The following EXD2 variants were observed in gnomAD, a reference collection of about 807,000 sequenced individuals.
EXD2 encodes exonuclease 3'-5' domain containing 2, also known as exonuclease 3'-5' domain-containing protein 2.
A neutral mutation model predicts 62.5 loss-of-function variants in EXD2; 40 were observed. The observed-to-expected ratio is 0.64, with a 90% CI of 0.50 to 0.83. The LOEUF is 0.83. Ranked by LOEUF, EXD2 falls within the 40% of genes least tolerant of loss-of-function variation. EXD2 has a pLI of 0.00. For missense variants in EXD2, 671 were observed against 761.8 expected (o/e 0.88, Z 1.40); for synonymous variants, 239 against 291.9 (o/e 0.82, Z 1.85).
At chr14:69,230,378 A>ATC in intron 4 of EXD2, 94 bp from the exon 5 acceptor site, 1 of 695,286 alleles carries the variant, frequency 1.4e-6, no homozygotes, top group Non-Finnish European at 2.4e-6. Flanking sequence ...TCAGTATGTT[A>ATC]TCTCTGTTTA....
chr14:69,229,475 A>C (rs2043490882), intron 4 of EXD2, among the ~76,000 whole-genome samples: 1 of 152,234 alleles, frequency 6.6e-6, no homozygotes, highest in Non-Finnish European at 1.5e-5. Context: ...CTGAGTCTAC[A>C]GTTCTAGATG....
chr14:69,197,166 A>C (rs916516766), intron 1 of EXD2, among the ~76,000 whole-genome samples: 4 of 152,304 alleles, frequency 2.6e-5, no homozygotes, highest in Non-Finnish European at 5.9e-5. Flanking sequence ...GGCTGTCGTG[A>C]GCTGTGATTG....
chr14:69,219,837 T>C (rs753146245), intron 3 of EXD2, among the ~76,000 whole-genome samples: 1 of 152,198 alleles, frequency 6.6e-6, no homozygotes, highest in Non-Finnish European at 1.5e-5. Flanking sequence ...CTTGCCTTGG[T>C]GTACCTGGCT....
chr14:69,195,809 T>A (rs572709174), intron 1 of EXD2, among the ~76,000 whole-genome samples: 1 of 152,346 alleles, frequency 6.6e-6, no homozygotes, highest in South Asian at 2.1e-4. Context: ...TAGGATAATG[T>A]ACTGAAGATT....
intron 1 of EXD2, among the ~76,000 whole-genome samples, chr14:69,197,853 C>A (rs2042259767): frequency 6.6e-6 from 1 of 151,942 alleles, no homozygotes; most frequent in South Asian, 2.1e-4. Flanking sequence ...ATAAAACAAT[C>A]TTTTCTTCTT....
intron 1 of EXD2, among the ~76,000 whole-genome samples, chr14:69,193,172 C>T (rs1011942336): frequency 6.6e-6 from 1 of 151,820 alleles, no homozygotes; most frequent in African/African-American, 2.4e-5. Context: ...GATTCTCCTG[C>T]CTCAGCCTCC....
At chr14:69,233,156 G>C (rs1007293115) in intron 5 of EXD2, among the ~76,000 whole-genome samples, 2 of 152,066 alleles carry the variant, frequency 1.3e-5, no homozygotes, top group Non-Finnish European at 2.9e-5. Flanking sequence ...TGTGTTAGAG[G>C]GAACTCTAAA....
chr14:69,197,682 T>C (rs1216574958), intron 1 of EXD2, among the ~76,000 whole-genome samples: 1 of 152,192 alleles, frequency 6.6e-6, no homozygotes, highest in Non-Finnish European at 1.5e-5. Flanking sequence ...ACACGCAGTA[T>C]TTGGTTTTCT....
At chr14:69,196,376 G>C (rs1450191906) in intron 1 of EXD2, among the ~76,000 whole-genome samples, 1 of 152,120 alleles carries the variant, frequency 6.6e-6, no homozygotes, top group Non-Finnish European at 1.5e-5. Flanking sequence ...CATAACATAC[G>C]GATATGCTAC....
At chr14:69,203,324 C>T (rs1213119364) in intron 1 of EXD2, among the ~76,000 whole-genome samples, 1 of 151,970 alleles carries the variant, frequency 6.6e-6, no homozygotes. Flanking sequence ...AGTCCGCCTA[C>T]CTCAGCCTCC....
chr14:69,206,714 T>C (rs2042618561), intron 2 of EXD2, among the ~76,000 whole-genome samples: 3 of 152,142 alleles, frequency 2.0e-5, no homozygotes, highest in South Asian at 4.1e-4. Flanking sequence ...ACTCCTAGGC[T>C]CAAGCCGTCC....
chr14:69,232,764 G>T (rs2043631777), intron 5 of EXD2, among the ~76,000 whole-genome samples: 1 of 151,996 alleles, frequency 6.6e-6, no homozygotes, highest in Non-Finnish European at 1.5e-5. Context: ...TTTTATTTTT[G>T]AGTTTTAGGA....
chr14:69,198,243 A>AT, intron 1 of EXD2, among the ~76,000 whole-genome samples: 1 of 152,360 alleles, frequency 6.6e-6, no homozygotes, highest in East Asian at 1.9e-4. Context: ...CTGAATTACC[A>AT]TATAATTTCT....
Position 69,241,061 on chromosome 14 carries a change from C to T in EXD2, c.1827C>T (p.Leu609=), listed in dbSNP as rs765115735. 1.9e-6 allele frequency: 3 copies of T among 1,612,582 alleles called. No homozygotes were observed. The highest frequency in any genetic ancestry group is 2.7e-5 in the African/African-American group (2 of 74,868). ...WSVDHNHQKL[L]RKFGEDLPIQ... is the part of the protein sequence containing the mutation. ...TGGACCACAACCATCAGAAGCTGCT[C>T]CGGAAATTCGGGGAAGATCTTCCCA... The change falls in exon 10 of 10, where the codon CTC becomes CTT. Residue 609 remains leucine, a synonymous_variant. Coordinates refer to ENST00000685843, the MANE Select transcript of EXD2 (RefSeq NM_001193360.2).
rs1350951889 is a variant in EXD2, at chr14:69,228,864, T to TC, written c.386dup (p.Ser130LysfsTer55). The TC allele has an allele frequency of 6.2e-7, 1 of 1,613,986 alleles. No homozygotes were observed. Among genetic ancestry groups the TC allele is most frequent in the Non-Finnish European group, 8.5e-7 (1 of 1,180,022 alleles). Reference sequence around the variant, plus strand: ...CCCTCTGTCACTTCTACAAATGGCCTCCCCAAGTGGCCTGTGTGTCTTGGT... The same window carrying TC: ...CCCTCTGTCACTTCTACAAATGGCCTCCCCCAAGTGGCCTGTGTGTCTTGGT... On this transcript the variant is annotated frameshift_variant, in exon 4 of 10. Coordinates refer to ENST00000685843, the MANE Select transcript of EXD2 (RefSeq NM_001193360.2). LOFTEE classifies it high-confidence loss of function.
At chr14:69,231,909 TAAAAAA>T (rs747438242) in intron 5 of EXD2, among the ~76,000 whole-genome samples, 1,362 of 60,632 alleles carry the variant, frequency 0.022, 29 homozygotes, top group African/African-American at 0.081. Flanking sequence ...GCATGAGCAG[TAAAAAA>T]AAAAAAAAAA....
In EXD2 at chr14:69,237,522, A is replaced by G. The variant is rs567923664; in HGVS notation, c.1293-53A>G. The G allele has an allele frequency of 7.7e-6, 12 of 1,555,360 alleles. No homozygotes were observed. The African/African-American group carries it at 9.5e-5, about 12-fold the overall frequency. On this transcript the variant is annotated intron_variant, in intron 8 of 9. Coordinates refer to ENST00000685843, the MANE Select transcript of EXD2 (RefSeq NM_001193360.2). ...CCAGTAGCCTGTCTGCTGTCTTCCC[A>G]TGTGCTCTGTCATACACTTATGAGC...
intron 8 of EXD2, 107 bp downstream of exon 8, chr14:69,236,649 T>C: frequency 6.9e-7 from 1 of 1,449,288 alleles, no homozygotes; most frequent in Non-Finnish European, 9.5e-7. Context: ...CCACTTTGGC[T>C]GAGAGGCTTG....
rs560159812 is a variant in EXD2 at position 69,203,152 on chromosome 14, A to G, written c.-131-765A>G. Among the ~76,000 whole-genome samples the G allele has an allele frequency of 2.0e-5, 3 of 152,178 alleles. No homozygotes were observed. In the East Asian group the frequency reaches 5.8e-4, roughly 29 times the overall value. ...CAGCTCACTTCAGTCTTGACTTCCC[A>G]GGCTCAGGTGATTCTCCCATCTCAG... On this transcript the variant is annotated intron_variant, in intron 1 of 9. Coordinates refer to ENST00000685843, the MANE Select transcript of EXD2 (RefSeq NM_001193360.2).
Sources: gnomAD v4.1 joint callset for allele counts (sites outside exome capture counted in the v4.1 genomes callset) on GRCh38, gnomAD v4.1.1 for gene constraint, MANE v1.5 for transcripts, NCBI Gene and HGNC (gene_info 2026-07-23, HGNC 2026-07-21) for gene names.